The following DPP6 variants were observed in gnomAD, a reference collection of about 807,000 sequenced individuals.
The protein encoded by DPP6 is dipeptidyl peptidase like 6.
DPP6 carries 69 observed loss-of-function variants against 122.6 expected under a neutral mutation model. That is an observed-to-expected ratio of 0.56 (90% CI 0.46 to 0.69). DPP6 has a LOEUF of 0.69. Among genes scored for constraint, DPP6 ranks in the 30% least tolerant of loss-of-function variants. DPP6 has a pLI of 0.00. For missense variants in DPP6, 928 were observed against 1,116.9 expected (o/e 0.83, Z 2.41); for synonymous variants, 418 against 433.1 (o/e 0.97, Z 0.43).
intron 1 of DPP6, among the ~76,000 whole-genome samples, chr7:154,372,687 G>A (rs1812776147): frequency 6.6e-6 from 1 of 152,184 alleles, no homozygotes; most frequent in South Asian, 2.1e-4. Flanking sequence ...AGCCAAAAGA[G>A]ACAGCTAAAA....
At chr7:153,755,916 T>C in the DPP6 span, among the ~76,000 whole-genome samples, 4 of 152,184 alleles carry the variant, frequency 2.6e-5, no homozygotes, top group African/African-American at 9.7e-5. Flanking sequence ...CTATGGGACA[T>C]GGCAAACTCA....
chr7:154,422,266 C>G (rs1390879173), intron 1 of DPP6, among the ~76,000 whole-genome samples: 2 of 152,170 alleles, frequency 1.3e-5, no homozygotes, highest in Non-Finnish European at 2.9e-5. Context: ...AGAGGTCACT[C>G]TTCCTAGACA....
At chr7:154,734,268 C>T (rs1419923390) in intron 8 of DPP6, among the ~76,000 whole-genome samples, 1 of 152,204 alleles carries the variant, frequency 6.6e-6, no homozygotes. Flanking sequence ...GCCACTGAGC[C>T]CCAACCTTTT....
intron 5 of DPP6, chr7:154,588,204 C>A: frequency 6.8e-7 from 1 of 1,466,410 alleles, no homozygotes; most frequent in Non-Finnish European, 9.0e-7. Flanking sequence ...ACTGGGTGCC[C>A]GCAGAGTGTC....
chr7:154,031,703 C>T (rs58921805), intron 1 of DPP6, among the ~76,000 whole-genome samples: 49,601 of 151,196 alleles, frequency 0.33, 8,831 homozygotes, highest in African/African-American at 0.48. Flanking sequence ...CCTAAAGGAA[C>T]GAGCTTTAGA....
the DPP6 span, among the ~76,000 whole-genome samples, chr7:153,832,853 T>C: frequency 6.6e-6 from 1 of 152,354 alleles, no homozygotes; most frequent in East Asian, 1.9e-4. Context: ...ATTTTTATTC[T>C]TCCATTTCCA....
chr7:154,454,181 T>C (rs1481625905), intron 2 of DPP6, among the ~76,000 whole-genome samples: 1 of 152,208 alleles, frequency 6.6e-6, no homozygotes, highest in African/African-American at 2.4e-5. Context: ...GAGTGGGTTC[T>C]GGTATTGTTC....
upstream of DPP6, among the ~76,000 whole-genome samples, chr7:153,884,115 C>CATTAGGTATA (rs1798830227): frequency 6.6e-6 from 1 of 152,152 alleles, no homozygotes. Flanking sequence ...CACCCATTAA[C>CATTAGGTATA]TCGTCATTTA....
intron 1 of DPP6, among the ~76,000 whole-genome samples, chr7:154,211,071 C>T (rs1799714997): frequency 6.6e-6 from 1 of 152,162 alleles, no homozygotes; most frequent in South Asian, 2.1e-4. Flanking sequence ...TCATAGGAAC[C>T]CCGGGGTCTC....
intron 1 of DPP6, among the ~76,000 whole-genome samples, chr7:154,045,617 A>G (rs1039605135): frequency 6.6e-6 from 1 of 152,218 alleles, no homozygotes; most frequent in Admixed American, 6.5e-5. Flanking sequence ...TGCTGCTATA[A>G]TAAATAAATC....
chr7:154,857,746 G>A (rs1802961324), intron 17 of DPP6, among the ~76,000 whole-genome samples: 1 of 152,220 alleles, frequency 6.6e-6, no homozygotes, highest in South Asian at 2.1e-4. Context: ...GGCCTCTGCA[G>A]TGGATGAAGG....
At chr7:154,452,119 A>C (rs1220174782) in intron 2 of DPP6, among the ~76,000 whole-genome samples, 1 of 152,246 alleles carries the variant, frequency 6.6e-6, no homozygotes, top group South Asian at 2.1e-4. Context: ...AGCCAGCATG[A>C]ATGATCCCGG....
At chr7:153,917,029 A>C (rs935572468) in intron 1 of DPP6, among the ~76,000 whole-genome samples, 2 of 152,182 alleles carry the variant, frequency 1.3e-5, no homozygotes, top group Non-Finnish European at 2.9e-5. Context: ...ACTCATATGG[A>C]TCATCTGAAA....
chr7:154,128,159 G>A (rs545413053), intron 1 of DPP6, among the ~76,000 whole-genome samples: 27 of 150,712 alleles, frequency 1.8e-4, no homozygotes, highest in African/African-American at 4.2e-4. Flanking sequence ...CCTGAAATAC[G>A]AATTGCATGA....
intron 3 of DPP6, among the ~76,000 whole-genome samples, chr7:154,478,661 G>A (rs1389138388): frequency 6.6e-6 from 1 of 152,124 alleles, no homozygotes; most frequent in African/African-American, 2.4e-5. Context: ...ATATCACAAA[G>A]TTTGTAAGTA....
chr7:154,350,587 G>A (rs1563526656), intron 1 of DPP6, among the ~76,000 whole-genome samples: 1 of 152,144 alleles, frequency 6.6e-6, no homozygotes, highest in Non-Finnish European at 1.5e-5. Context: ...CGGGCTGGGG[G>A]CCTGTGGTCT....
intron 12 of DPP6, among the ~76,000 whole-genome samples, chr7:154,800,391 C>T (rs146476622): frequency 6.6e-6 from 1 of 152,316 alleles, no homozygotes; most frequent in African/African-American, 2.4e-5. Context: ...TCGTGTGAAG[C>T]TCCTTGAGTC....
intron 3 of DPP6, among the ~76,000 whole-genome samples, chr7:154,532,293 A>G (rs1398882700): frequency 6.6e-6 from 1 of 152,182 alleles, no homozygotes; most frequent in Non-Finnish European, 1.5e-5. Flanking sequence ...TTTGAACTGA[A>G]TAATAATGTA....
chr7:154,891,409 G>C (rs1221211229), intron 25 of DPP6, among the ~76,000 whole-genome samples: 1 of 152,118 alleles, frequency 6.6e-6, no homozygotes, highest in African/African-American at 2.4e-5. Flanking sequence ...AGCACGGCAC[G>C]GCTATAAGAT....
Sources: allele counts gnomAD v4.1 joint callset (sites outside exome capture counted in the v4.1 genomes callset), GRCh38; gene constraint gnomAD v4.1.1; transcripts MANE v1.5; gene names NCBI Gene and HGNC (gene_info 2026-07-23, HGNC 2026-07-21).